Variants in FKBP5 observed in about 807,000 individuals in gnomAD.
The protein encoded by FKBP5 is peptidyl-prolyl cis-trans isomerase FKBP5.
Under a neutral mutation model 50.5 loss-of-function variants are expected in FKBP5, and 23 were observed. That is an observed-to-expected ratio of 0.46 (90% CI 0.33 to 0.65). The LOEUF (loss-of-function observed/expected upper bound fraction) is 0.65, where lower values mean the gene tolerates loss of function less well. Ranked by LOEUF, FKBP5 falls within the 30% of genes least tolerant of loss-of-function variation. The pLI is 0.02. For synonymous variants in FKBP5, 176 were observed against 190.6 expected (o/e 0.92, Z 0.63); for missense variants, 411 against 553.1 (o/e 0.74, Z 2.58).
At chr6:35,655,214 G>A (rs1335527214) in intron 1 of FKBP5, among the ~76,000 whole-genome samples, 2 of 152,152 alleles carry the variant, frequency 1.3e-5, no homozygotes, top group Non-Finnish European at 2.9e-5. Flanking sequence ...TGAAGGATAA[G>A]TAGGAGCCAT....
chr6:35,641,434 T>C (rs564055786), intron 2 of FKBP5, among the ~76,000 whole-genome samples: 26 of 152,316 alleles, frequency 1.7e-4, no homozygotes, highest in Non-Finnish European at 3.4e-4. Flanking sequence ...AGTAGGTTTG[T>C]TTACACCCAC....
intron 1 of FKBP5, among the ~76,000 whole-genome samples, chr6:35,669,278 T>C (rs957046904): frequency 6.6e-5 from 10 of 152,342 alleles, no homozygotes; most frequent in South Asian, 4.1e-4. Flanking sequence ...AGGAATTCAA[T>C]TGATGTGCCA....
At chr6:35,636,779 A>C (rs1425683047) in intron 3 of FKBP5, among the ~76,000 whole-genome samples, 1 of 152,190 alleles carries the variant, frequency 6.6e-6, no homozygotes, top group Non-Finnish European at 1.5e-5. Context: ...CATCAGTGCA[A>C]ATAAATGTCA....
chr6:35,633,163 G>T (rs1319528573), intron 3 of FKBP5, among the ~76,000 whole-genome samples: 1 of 152,050 alleles, frequency 6.6e-6, no homozygotes, highest in Non-Finnish European at 1.5e-5. Context: ...AGGGATCAAT[G>T]GAGTTCAATG....
chr6:35,705,289 CAG>C (rs1428441492), intron 2 of FKBP5, among the ~76,000 whole-genome samples: 1 of 92,808 alleles, frequency 1.1e-5, no homozygotes, highest in Non-Finnish European at 2.0e-5. Flanking sequence ...TTTTTGGAGA[CAG>C]TGTCTCACTC....
At chr6:35,718,864 TAATC>T (rs1766557788) in intron 2 of FKBP5, among the ~76,000 whole-genome samples, 2 of 152,080 alleles carry the variant, frequency 1.3e-5, no homozygotes, top group Non-Finnish European at 2.9e-5. Context: ...GAAAAACAAA[TAATC>T]TAACTACACA....
chr6:35,589,594 CTAAA>C (rs1227269530), intron 7 of FKBP5, among the ~76,000 whole-genome samples: 1 of 152,152 alleles, frequency 6.6e-6, no homozygotes, highest in Non-Finnish European at 1.5e-5. Flanking sequence ...GAGAGTGCTC[CTAAA>C]TAAGCAATGT....
chr6:35,716,672 T>A (rs775942352), intron 2 of FKBP5, among the ~76,000 whole-genome samples: 12 of 152,100 alleles, frequency 7.9e-5, no homozygotes, highest in Non-Finnish European at 1.0e-4. Flanking sequence ...TTTAATGGAA[T>A]CCAAGCTTCC....
chr6:35,607,710 G>A lies in FKBP5; in HGVS notation c.509-10306C>T, dbSNP rs737054. ...AACATGAGGACGCCCAGGCACAGCC[G>A]CTGCTGCAGGCACCTGACCAAATAT... On this transcript the variant is annotated intron_variant, in intron 5 of 10. Coordinates refer to ENST00000357266, the MANE Select transcript of FKBP5 (RefSeq NM_004117.4). 35,707 of 163,258 alleles carry A rather than the reference G, an allele frequency of 0.22. 4,644 individuals carry two copies. Among genetic ancestry groups the A allele is most frequent in the Middle Eastern group, 0.32 (97 of 300 alleles). The allele number at this position is 163,258 out of a possible 1,614,324, so 10.1% of individuals were successfully genotyped here. A position where few individuals can be genotyped will look rare whatever the true frequency, so the allele number is the denominator to read the frequency against.
chr6:35,613,640 C>T (rs1205121514), intron 5 of FKBP5, among the ~76,000 whole-genome samples: 1 of 152,160 alleles, frequency 6.6e-6, no homozygotes, highest in African/African-American at 2.4e-5. Context: ...TTGAACAGGA[C>T]CACCTTTAGG....
Position 35,599,329 on chromosome 6 carries a change from A to G in FKBP5, c.509-1925T>C, listed in dbSNP as rs554281290. Reference sequence around the variant, plus strand: ...AATATAGTCCAGAAACCAGCTTCAAATCTAATTCCTGCAGTTAATAATTTA... The same window carrying G: ...AATATAGTCCAGAAACCAGCTTCAAGTCTAATTCCTGCAGTTAATAATTTA... On this transcript the variant is annotated intron_variant, in intron 5 of 10. Coordinates refer to ENST00000357266, the MANE Select transcript of FKBP5 (RefSeq NM_004117.4). 9.2e-5 allele frequency among the ~76,000 whole-genome samples: 14 copies of G among 152,310 alleles called. No homozygotes were observed. In the South Asian group the frequency reaches 2.9e-3, roughly 32 times the overall value.
rs180761045 is a variant in FKBP5, at chr6:35,710,407, T to C, written c.-20+9921A>G. ...CCTGAGCCCAGGGAGGTTGAGGCTATAGTGAGTCATGATTGCACAACTACA... is the reference window on the plus strand; with the variant it reads ...CCTGAGCCCAGGGAGGTTGAGGCTACAGTGAGTCATGATTGCACAACTACA... On this transcript the variant is annotated intron_variant, in intron 2 of 11. Coordinates refer to the FKBP5 transcript ENST00000536438. Among the ~76,000 whole-genome samples the C allele has an allele frequency of 2.6e-5, 4 of 151,724 alleles. No individual in the cohort carries two copies. The East Asian group carries it at 7.8e-4, about 29-fold the overall frequency.
intron 2 of FKBP5, among the ~76,000 whole-genome samples, chr6:35,708,740 G>A (rs1270491645): frequency 2.6e-5 from 4 of 152,054 alleles, no homozygotes; most frequent in African/African-American, 9.7e-5. Context: ...GTGTGCCCCT[G>A]TGTTCTTGTT....
At chr6:35,623,843 A>G (rs1174983474) in intron 3 of FKBP5, among the ~76,000 whole-genome samples, 2 of 150,226 alleles carry the variant, frequency 1.3e-5, no homozygotes, top group Non-Finnish European at 3.0e-5. Context: ...CTGCCTCCCT[A>G]GTAGCTAGGA....
Position 35,575,640 on chromosome 6 carries a change from C to T in FKBP5, c.*195G>A, listed in dbSNP as rs1762187571. ...CTGTTTGTTCCACCTGGAGTGGTCCCGTGCCACCCCTCAGTGAACCCTCCG... is the reference window on the plus strand; with the variant it reads ...CTGTTTGTTCCACCTGGAGTGGTCCTGTGCCACCCCTCAGTGAACCCTCCG... On this transcript the variant is annotated 3_prime_UTR_variant, in exon 11 of 11. Coordinates refer to ENST00000357266, the MANE Select transcript of FKBP5 (RefSeq NM_004117.4). 1.7e-5 allele frequency: 10 copies of T among 573,214 alleles called. No individual in the cohort carries two copies. The highest frequency in any genetic ancestry group is 9.4e-4 in the Middle Eastern group (2 of 2,130). The allele number at this position is 573,214 out of a possible 1,614,324, so 35.5% of individuals were successfully genotyped here.
chr6:35,583,964 T>G, intron 8 of FKBP5: 1 of 985,386 alleles, frequency 1.0e-6, no homozygotes, highest in Non-Finnish European at 1.2e-6. Flanking sequence ...AACTAGTTTG[T>G]TTTAGAAATG....
At position 35,659,631 on chromosome 6, in the gene FKBP5, T is replaced by C. The variant is rs534564533; in HGVS notation, c.-19-16788A>G. Among the ~76,000 whole-genome samples, 9 of 85,284 alleles carry C rather than the reference T, an allele frequency of 1.1e-4. 3 individuals carry two copies. Among genetic ancestry groups the C allele is most frequent in the African/African-American group, 2.5e-4 (7 of 27,694 alleles). The allele number at this position is 85,284 out of a possible 152,430, so 55.9% of individuals were successfully genotyped here. On this transcript the variant is annotated intron_variant, in intron 1 of 10. Transcript: ENST00000357266. ...AGGTATTTTGTATCTTTCAAGGAATTTGCACATTTCATCTAGCTGTCTAAT... is the reference window on the plus strand; with the variant it reads ...AGGTATTTTGTATCTTTCAAGGAATCTGCACATTTCATCTAGCTGTCTAAT...
chr6:35,724,109 G>T (rs1766659911), intron 1 of FKBP5, among the ~76,000 whole-genome samples: 1 of 152,208 alleles, frequency 6.6e-6, no homozygotes, highest in African/African-American at 2.4e-5. Flanking sequence ...CATAATGGTG[G>T]TGCTTTCTCC....
chr6:35,681,039 A>G (rs766264310), intron 1 of FKBP5, among the ~76,000 whole-genome samples: 2 of 152,220 alleles, frequency 1.3e-5, no homozygotes, highest in Non-Finnish European at 2.9e-5. Context: ...CATATACATG[A>G]AGACAAAAGA....
Sources: gnomAD v4.1 joint callset for allele counts (sites outside exome capture counted in the v4.1 genomes callset) on GRCh38, gnomAD v4.1.1 for gene constraint, MANE v1.5 for transcripts, NCBI Gene and HGNC (gene_info 2026-07-23, HGNC 2026-07-21) for gene names.